Variants in CAST observed in about 807,000 individuals in gnomAD.
CAST encodes the protein MIR583 host.
A neutral mutation model predicts 119.6 loss-of-function variants in CAST; 76 were observed. The ratio of observed to expected loss-of-function variants is 0.64; its 90% CI spans 0.53 to 0.77. The LOEUF is 0.77. CAST is among the 30% of genes least tolerant of loss of function. The pLI, the probability that CAST is intolerant of heterozygous loss-of-function variation, is 0.00. For missense variants in CAST, 953 were observed against 946.5 expected, an observed-to-expected ratio of 1.01 and a Z score of -0.09; for synonymous variants, 319 against 331.6, an observed-to-expected ratio of 0.96 and a Z score of 0.41.
chr5:96,626,730 A>G (rs1031346479), intron 1 of CAST, among the ~76,000 whole-genome samples: 26 of 152,116 alleles, frequency 1.7e-4, no homozygotes, highest in Admixed American at 5.2e-4. Flanking sequence ...TTTTTCTCCA[A>G]TGCTATCTAG....
chr5:96,386,999 A>G, the CAST span, among the ~76,000 whole-genome samples: 1 of 152,146 alleles, frequency 6.6e-6, no homozygotes, highest in Non-Finnish European at 1.5e-5. Flanking sequence ...AAACAAAACA[A>G]AAACAACTAA....
intron 1 of CAST, among the ~76,000 whole-genome samples, chr5:96,645,675 A>G (rs904692831): frequency 5.3e-5 from 8 of 151,930 alleles, no homozygotes; most frequent in South Asian, 2.1e-4. Flanking sequence ...TTAAACAATT[A>G]CCTTTTTTAT....
chr5:96,747,870 T>C (rs747988565), intron 18 of CAST, among the ~76,000 whole-genome samples: 5 of 152,154 alleles, frequency 3.3e-5, no homozygotes, highest in Non-Finnish European at 7.3e-5. Context: ...TATTCCCATT[T>C]TACAGTGAGG....
chr5:96,722,763 G>C, intron 4 of CAST, 65 bp downstream of exon 4: 2 of 1,118,084 alleles, frequency 1.8e-6, no homozygotes, highest in South Asian at 1.2e-5. Flanking sequence ...CAAAACAAAT[G>C]TAGACTAATT....
chr5:96,607,250 T>C (rs1253602094), intron 1 of CAST, among the ~76,000 whole-genome samples: 1 of 152,120 alleles, frequency 6.6e-6, no homozygotes. Context: ...ATCGCACCAC[T>C]GCACTCCAGC....
chr5:96,444,761 A>T, the CAST span, among the ~76,000 whole-genome samples: 1 of 151,354 alleles, frequency 6.6e-6, no homozygotes, highest in South Asian at 2.1e-4. Flanking sequence ...TTATTTTTTT[A>T]TTTTTTGCTT....
the CAST span, among the ~76,000 whole-genome samples, chr5:96,308,202 T>C: frequency 6.6e-6 from 1 of 151,928 alleles, no homozygotes; most frequent in Non-Finnish European, 1.5e-5. Flanking sequence ...TTCATTGAGT[T>C]GATCTTCAAT....
the CAST span, among the ~76,000 whole-genome samples, chr5:95,999,132 G>T: frequency 1.3e-5 from 2 of 151,916 alleles, no homozygotes; most frequent in Non-Finnish European, 2.9e-5. Flanking sequence ...CCTATTTATA[G>T]TTATTCTCAT....
chr5:96,101,281 A>C, the CAST span, among the ~76,000 whole-genome samples: 2 of 152,204 alleles, frequency 1.3e-5, no homozygotes, highest in African/African-American at 4.8e-5. Flanking sequence ...GTTGAATCTG[A>C]GTATGAGGAA....
chr5:96,556,828 G>C (rs1400733660), intron 1 of CAST, among the ~76,000 whole-genome samples: 2 of 152,140 alleles, frequency 1.3e-5, no homozygotes, highest in Non-Finnish European at 2.9e-5. Context: ...AGCAAGGCAG[G>C]CCAACATTCA....
At chr5:96,209,456 T>A in the CAST span, among the ~76,000 whole-genome samples, 1 of 151,822 alleles carries the variant, frequency 6.6e-6, no homozygotes. Context: ...GGCCAGTAAG[T>A]CTTTTGTTTC....
upstream of CAST, among the ~76,000 whole-genome samples, chr5:96,528,264 C>T (rs1020615967): frequency 4.6e-5 from 7 of 152,132 alleles, no homozygotes; most frequent in African/African-American, 7.2e-5. Context: ...CATTTTTAAG[C>T]TTAGCCAGAG....
At chr5:96,605,093 G>C (rs1747228199) in intron 1 of CAST, among the ~76,000 whole-genome samples, 1 of 152,138 alleles carries the variant, frequency 6.6e-6, no homozygotes, top group Admixed American at 6.5e-5. Flanking sequence ...ACTACCTAGG[G>C]GGTCAAATGT....
the CAST span, among the ~76,000 whole-genome samples, chr5:95,991,740 A>G: frequency 2.0e-5 from 3 of 151,972 alleles, no homozygotes; most frequent in African/African-American, 7.2e-5. Flanking sequence ...TTCTGAGCTC[A>G]AGTTAGTCAC....
intron 29 of CAST, chr5:96,769,401 T>TG (rs1561630141): frequency 6.6e-6 from 1 of 151,882 alleles, no homozygotes; most frequent in African/African-American, 2.4e-5. Context: ...TTTTTGTTTT[T>TG]TTTTTTTTGC....
chr5:96,118,477 A>C, the CAST span, among the ~76,000 whole-genome samples: 1 of 152,140 alleles, frequency 6.6e-6, no homozygotes, highest in Non-Finnish European at 1.5e-5. Flanking sequence ...TAAAGCTTCC[A>C]CTGTGCTGAG....
chr5:96,114,959 A>G, the CAST span, among the ~76,000 whole-genome samples: 47 of 152,336 alleles, frequency 3.1e-4, no homozygotes, highest in African/African-American at 1.1e-3. Flanking sequence ...TGTTACACTC[A>G]GTTTGCTCAT....
the CAST span, among the ~76,000 whole-genome samples, chr5:96,212,103 A>G: frequency 1.3e-5 from 2 of 151,058 alleles, no homozygotes; most frequent in Non-Finnish European, 3.0e-5. Flanking sequence ...GATTTTTTGT[A>G]TTGTTTTTCT....
chr5:96,195,349 G>A, the CAST span, among the ~76,000 whole-genome samples: 1 of 152,134 alleles, frequency 6.6e-6, no homozygotes, highest in African/African-American at 2.4e-5. Context: ...AACAAATACT[G>A]ATTCCTGGAC....
Sources: allele counts gnomAD v4.1 joint callset (sites outside exome capture counted in the v4.1 genomes callset), GRCh38; gene constraint gnomAD v4.1.1; transcripts MANE v1.5; gene names NCBI Gene and HGNC (gene_info 2026-07-23, HGNC 2026-07-21).